Variants in FIS1 observed in about 807,000 individuals in gnomAD.
FIS1 encodes mitochondrial fission 1 protein.
A neutral mutation model predicts 21.6 loss-of-function variants in FIS1; 16 were observed. That is an observed-to-expected ratio of 0.74 (90% confidence interval 0.50 to 1.12). The LOEUF is 1.12. Ranked by LOEUF, FIS1 falls within the 50% of genes most tolerant of loss-of-function variation. The pLI, the probability that FIS1 is intolerant of heterozygous loss-of-function variation, is 0.00. For missense variants in FIS1, 198 were observed against 190.9 expected (o/e 1.04, Z -0.22); for synonymous variants, 92 against 82.2 (o/e 1.12, Z -0.65).
chr7:101,240,991 C>A, intron 2 of FIS1, 85 bp from the exon 3 acceptor site: 1 of 1,300,152 alleles, frequency 7.7e-7, no homozygotes, highest in Non-Finnish European at 1.1e-6. Context: ...CTTCCACTCT[C>A]TGAATGCCTC....
At chr7:101,242,409 T>G (rs1006326083) in intron 2 of FIS1, among the ~76,000 whole-genome samples, 1 of 152,202 alleles carries the variant, frequency 6.6e-6, no homozygotes, top group Non-Finnish European at 1.5e-5. Context: ...AGAATAAACC[T>G]GAAAATCTGA....
chr7:101,244,986 C>G lies in FIS1; in HGVS notation c.19G>C (p.Glu7Gln). 6.2e-7 allele frequency: 1 copy of G among 1,614,038 alleles called. No individual in the cohort carries two copies. Among genetic ancestry groups the G allele is most frequent in the Non-Finnish European group, 8.5e-7 (1 of 1,179,958 alleles). The change falls in exon 1 of 5, where the codon GAG becomes CAG. Residue 7 changes from glutamate (E) to glutamine (Q), a missense_variant. Transcript: ENST00000223136. ...AGCAGGTCCTCCACAGACACCAGCT[C>G]GTTCAGCACGGCCTCCATGGCCACT... is the stretch of plus-strand genomic sequence containing the variant. MEAVLN[E>Q]LVSVEDLLKF...
chr7:101,241,690 T>C (rs1193601929), intron 2 of FIS1: 1 of 142,432 alleles, frequency 7.0e-6, no homozygotes, highest in East Asian at 2.1e-4. Context: ...CCGTGAGCCG[T>C]AGCTCATGAC....
intron 2 of FIS1, chr7:101,241,935 C>T (rs1453788372): frequency 2.7e-5 from 4 of 150,256 alleles, no homozygotes; most frequent in African/African-American, 4.9e-5. Flanking sequence ...CACTCAGTCT[C>T]GGGAAAAAAA....
intron 1 of FIS1, chr7:101,244,636 G>C (rs1342987648): frequency 2.1e-6 from 1 of 480,748 alleles, no homozygotes; most frequent in Non-Finnish European, 3.8e-6. Flanking sequence ...GACACCTTAT[G>C]ATGGTCACTG....
intron 1 of FIS1, 198 bp downstream of exon 1, chr7:101,244,762 G>A (rs1161815212): frequency 3.1e-6 from 2 of 636,694 alleles, no homozygotes; most frequent in East Asian, 2.8e-5. Context: ...GGGGGGCTCA[G>A]GACACTACAA....
chr7:101,242,194 G>A (rs1798759228), intron 2 of FIS1, among the ~76,000 whole-genome samples: 1 of 152,178 alleles, frequency 6.6e-6, no homozygotes, highest in Non-Finnish European at 1.5e-5. Flanking sequence ...CCAAAGTGCT[G>A]AGATTACAGG....
intron 1 of FIS1, among the ~76,000 whole-genome samples, 164 bp from the exon 2 acceptor site, chr7:101,244,303 C>G (rs1798785708): frequency 6.6e-6 from 1 of 152,232 alleles, no homozygotes. Flanking sequence ...TTCGGCTCCT[C>G]CGGGCCTGCG....
intron 1 of FIS1, 147 bp downstream of exon 1, chr7:101,244,813 G>A (rs1178055716): frequency 5.3e-6 from 5 of 936,766 alleles, no homozygotes; most frequent in East Asian, 2.6e-5. Flanking sequence ...CTCCGGGCAG[G>A]AGCCAGGCGC....
At chr7:101,244,735 C>T (rs1451706483) in intron 1 of FIS1, 5 of 587,038 alleles carry the variant, frequency 8.5e-6, no homozygotes, top group East Asian at 2.8e-5. Flanking sequence ...GGGCTCCAGG[C>T]CCGTAGTCTG....
chr7:101,243,475 T>G (rs566034973), intron 2 of FIS1, among the ~76,000 whole-genome samples: 6 of 152,218 alleles, frequency 3.9e-5, no homozygotes, highest in African/African-American at 1.4e-4. Context: ...ACTCAGGATG[T>G]TGATGCAGGA....
In FIS1 at chr7:101,240,851, G is replaced by A. The variant is rs544751334; in HGVS notation, c.234C>T (p.Ala78=). The change falls in exon 3 of 5, where the codon GCC becomes GCT. Residue 78 remains alanine (A), a synonymous_variant. Transcript: ENST00000223136. ...EEQRDYVFYL[A]VGNYRLKEYE... is the part of the protein sequence containing the mutation. ...TCACCTTGAGCCGGTAGTTCCCCAC[G>A]GCCAGGTAGAAGACGTAATCCCGCT... is the stretch of plus-strand genomic sequence containing the variant. 1 of 1,613,924 alleles carries A rather than the reference G, an allele frequency of 6.2e-7. No homozygotes were observed. Among genetic ancestry groups the A allele is most frequent in the Non-Finnish European group, 8.5e-7 (1 of 1,180,028 alleles).
chr7:101,240,092 G>A (rs1798719321), intron 4 of FIS1, 50 bp downstream of exon 4: 1 of 1,587,884 alleles, frequency 6.3e-7, no homozygotes, highest in African/African-American at 1.3e-5. Context: ...AGACCAAAGT[G>A]CCCAGGCGTG....
intron 1 of FIS1, 81 bp downstream of exon 1, chr7:101,244,876 GGGA>G: frequency 6.5e-7 from 1 of 1,549,268 alleles, no homozygotes; most frequent in Non-Finnish European, 8.9e-7. Flanking sequence ...AGCCGATGCC[GGGA>G]GGAGGGTTCG....
chr7:101,241,012 G>C, intron 2 of FIS1, 106 bp from the exon 3 acceptor site: 7 of 1,109,680 alleles, frequency 6.3e-6, no homozygotes, highest in Non-Finnish European at 9.4e-6. Context: ...TGTGATCCTG[G>C]GAGGGTCACA....
intron 4 of FIS1, 63 bp downstream of exon 4, chr7:101,240,077 CAG>C (rs1798718749): frequency 3.2e-6 from 5 of 1,568,576 alleles, no homozygotes; most frequent in East Asian, 4.5e-5. Flanking sequence ...GGTTCATTTA[CAG>C]AGAGACCAAA....
At position 101,245,043 on chromosome 7, in the gene FIS1, T is replaced by G. The variant is rs1279271908; in HGVS notation, c.-39A>C. 1 of 1,610,238 alleles carries G rather than the reference T, an allele frequency of 6.2e-7. No homozygotes were observed. Among genetic ancestry groups the G allele is most frequent in the East Asian group, 2.2e-5 (1 of 44,766 alleles). On this transcript the variant is annotated 5_prime_UTR_variant, in exon 1 of 5. Transcript: ENST00000223136. ...GCGAGCCTCACACTACAGTCTACTG[T>G]GCCACAGTCTCCATGGCCCAGTGGC...
At chr7:101,243,707 G>A (rs369999263) in intron 2 of FIS1, among the ~76,000 whole-genome samples, 20 of 152,342 alleles carry the variant, frequency 1.3e-4, no homozygotes, top group African/African-American at 3.8e-4. Context: ...GGAAGGGCAT[G>A]GGCCTAGGTC....
At chr7:101,244,739 T>A (rs1798791525) in intron 1 of FIS1, 1 of 586,870 alleles carries the variant, frequency 1.7e-6, no homozygotes, top group African/African-American at 1.9e-5. Context: ...TCCAGGCCCG[T>A]AGTCTGAGGT....
Sources: allele counts gnomAD v4.1 joint callset (sites outside exome capture counted in the v4.1 genomes callset), GRCh38; gene constraint gnomAD v4.1.1; transcripts MANE v1.5; gene names NCBI Gene and HGNC (gene_info 2026-07-23, HGNC 2026-07-21).